The following ARHGEF3 variants were observed in gnomAD, a reference collection of about 807,000 sequenced individuals.
ARHGEF3 encodes the protein 59.8 kDA protein.
Under a neutral mutation model 63.2 loss-of-function variants are expected in ARHGEF3, and 28 were observed. The observed-to-expected ratio is 0.44, with a 90% confidence interval of 0.33 to 0.61. The LOEUF is 0.61. Among genes scored for constraint, ARHGEF3 ranks in the 20% least tolerant of loss-of-function variants. The probability of loss-of-function intolerance (pLI) is 0.03; values close to 1 mark genes in which losing one functional copy is unlikely to be tolerated. For synonymous variants in ARHGEF3, 266 were observed against 254.2 expected (o/e 1.05, Z -0.44); for missense variants, 533 against 659.3 (o/e 0.81, Z 2.10).
chr3:57,075,942 G>A (rs919791102), intron 1 of ARHGEF3, among the ~76,000 whole-genome samples: 1 of 152,194 alleles, frequency 6.6e-6, no homozygotes, highest in Non-Finnish European at 1.5e-5. Context: ...CCATCATGCT[G>A]ATACTATCCC....
chr3:56,784,753 C>G (rs1280882880), intron 1 of ARHGEF3, among the ~76,000 whole-genome samples: 2 of 152,152 alleles, frequency 1.3e-5, no homozygotes, highest in African/African-American at 4.8e-5. Flanking sequence ...TCTTATCACT[C>G]TGGCCCAAAG....
chr3:56,910,247 T>C lies in ARHGEF3; in HGVS notation c.130-27893A>G, dbSNP rs76478403. Among the ~76,000 whole-genome samples, 134 of 152,342 alleles carry C rather than the reference T, an allele frequency of 8.8e-4. 6 individuals carry two copies. In the East Asian group the frequency reaches 0.024, roughly 27 times the overall value. On this transcript the variant is annotated intron_variant, in intron 3 of 12. Coordinates refer to the ARHGEF3 transcript ENST00000338458. Reference sequence around the variant, plus strand: ...GTGTGTCCCTCTCTCCCCCATTTTCTCTGGGCTGGTAATGTTCCATTCAAA... The same window carrying C: ...GTGTGTCCCTCTCTCCCCCATTTTCCCTGGGCTGGTAATGTTCCATTCAAA...
intron 6 of ARHGEF3, among the ~76,000 whole-genome samples, chr3:56,748,419 T>C (rs1262202577): frequency 6.6e-6 from 1 of 152,206 alleles, no homozygotes; most frequent in Non-Finnish European, 1.5e-5. Context: ...AAGCTTGTTC[T>C]TGCTTCCCCT....
At chr3:56,835,878 T>C (rs900783538) in intron 4 of ARHGEF3, among the ~76,000 whole-genome samples, 1 of 152,202 alleles carries the variant, frequency 6.6e-6, no homozygotes, top group East Asian at 1.9e-4. Context: ...AATTGAATCA[T>C]GCACCTCCAC....
At chr3:56,858,113 G>A (rs2108175271) in intron 4 of ARHGEF3, among the ~76,000 whole-genome samples, 1 of 152,072 alleles carries the variant, frequency 6.6e-6, no homozygotes, top group Non-Finnish European at 1.5e-5. Context: ...GCATGGTGGT[G>A]CATGTCTGTA....
intron 2 of ARHGEF3, among the ~76,000 whole-genome samples, chr3:57,017,032 T>TCTCTCACACACACA (rs1221332567): frequency 6.7e-5 from 7 of 104,390 alleles, no homozygotes; most frequent in African/African-American, 2.5e-4. Context: ...TCTCTCTCTC[T>TCTCTCACACACACA]CACACACACA....
chr3:56,761,252 C>T (rs2035401775), intron 2 of ARHGEF3, among the ~76,000 whole-genome samples: 1 of 152,110 alleles, frequency 6.6e-6, no homozygotes, highest in African/African-American at 2.4e-5. Flanking sequence ...GACCACATAC[C>T]ATGAGCTACC....
At chr3:56,956,869 A>G (rs1180028974) in intron 3 of ARHGEF3, among the ~76,000 whole-genome samples, 2 of 152,156 alleles carry the variant, frequency 1.3e-5, no homozygotes, top group South Asian at 2.1e-4. Flanking sequence ...AATGTCAGCT[A>G]TTCCAAAGTG....
chr3:57,021,585 TCTACTAA>T (rs1417690871), intron 2 of ARHGEF3, among the ~76,000 whole-genome samples: 1 of 151,992 alleles, frequency 6.6e-6, no homozygotes, highest in African/African-American at 2.4e-5. Context: ...AAACCCCATC[TCTACTAA>T]AATACAAAAA....
At chr3:56,773,589 A>T in intron 2 of ARHGEF3, 120 bp downstream of exon 2, 1 of 848,330 alleles carries the variant, frequency 1.2e-6, no homozygotes, top group Non-Finnish European at 1.8e-6. Flanking sequence ...GCACTCTTCT[A>T]TTGAAATAAG....
intron 1 of ARHGEF3, among the ~76,000 whole-genome samples, chr3:57,058,636 C>T (rs368040730): frequency 2.0e-5 from 3 of 152,106 alleles, no homozygotes. Context: ...AGCCATCCCA[C>T]TACTGGGTAT....
intron 7 of ARHGEF3, among the ~76,000 whole-genome samples, chr3:56,738,677 C>T (rs1023745211): frequency 6.6e-6 from 1 of 152,160 alleles, no homozygotes; most frequent in South Asian, 2.1e-4. Context: ...AACAAGAGTA[C>T]TGCCTGAGAT....
chr3:56,771,538 T>C (rs1029909416), intron 2 of ARHGEF3, among the ~76,000 whole-genome samples: 6 of 151,992 alleles, frequency 3.9e-5, no homozygotes, highest in Admixed American at 6.6e-5. Context: ...AGAAGGGCAA[T>C]TGGGAGAGGT....
intron 3 of ARHGEF3, among the ~76,000 whole-genome samples, chr3:56,939,336 T>C (rs9877720): frequency 0.047 from 7,111 of 152,256 alleles, 593 homozygotes; most frequent in African/African-American, 0.16. Flanking sequence ...TCTCCTCTCA[T>C]GCTTTCAAAT....
At chr3:56,845,132 G>T (rs753258411) in intron 4 of ARHGEF3, among the ~76,000 whole-genome samples, 3 of 152,238 alleles carry the variant, frequency 2.0e-5, no homozygotes, top group Non-Finnish European at 2.9e-5. Context: ...ACCACAAGAA[G>T]CTGAATGCTG....
At chr3:56,913,174 A>ACAAC (rs35229285) in intron 3 of ARHGEF3, among the ~76,000 whole-genome samples, 11 of 150,968 alleles carry the variant, frequency 7.3e-5, no homozygotes, top group South Asian at 4.2e-4. Context: ...AACAACAACA[A>ACAAC]AAAAAACTAT....
chr3:56,863,687 A>C (rs571237978), intron 4 of ARHGEF3, among the ~76,000 whole-genome samples: 1 of 151,984 alleles, frequency 6.6e-6, no homozygotes, highest in East Asian at 1.9e-4. Context: ...CACCTGCCTC[A>C]GCCTCCCAAA....
chr3:57,056,560 T>A (rs1299710324), intron 1 of ARHGEF3, among the ~76,000 whole-genome samples: 1 of 151,560 alleles, frequency 6.6e-6, no homozygotes, highest in Non-Finnish European at 1.5e-5. Context: ...AGCAAAGGGA[T>A]TGGGACATAG....
At chr3:56,946,489 T>C (rs1207997179) in intron 3 of ARHGEF3, among the ~76,000 whole-genome samples, 3 of 152,128 alleles carry the variant, frequency 2.0e-5, no homozygotes, top group African/African-American at 4.8e-5. Context: ...TGCACTAGCC[T>C]CAGCAGCCGA....
Sources: gnomAD v4.1 joint callset for allele counts (sites outside exome capture counted in the v4.1 genomes callset) on GRCh38, gnomAD v4.1.1 for gene constraint, MANE v1.5 for transcripts, NCBI Gene and HGNC (gene_info 2026-07-23, HGNC 2026-07-21) for gene names.